The following DACH1 variants were observed in gnomAD, a reference collection of about 807,000 sequenced individuals.
DACH1 encodes the protein dachshund homolog 1.
DACH1 carries 12 observed loss-of-function variants against 54.2 expected under a neutral mutation model. The ratio of observed to expected loss-of-function variants is 0.22; its 90% confidence interval spans 0.14 to 0.36. DACH1 has a LOEUF of 0.36. DACH1 is among the 10% of genes least tolerant of loss of function. DACH1 has a pLI of 1.00. For missense variants in DACH1, 805 were observed against 929.8 expected (o/e 0.87, Z 1.75); for synonymous variants, 386 against 366.2 (o/e 1.05, Z -0.62).
intron 1 of DACH1, among the ~76,000 whole-genome samples, chr13:71,853,931 G>A (rs1278242494): frequency 6.6e-6 from 1 of 151,940 alleles, no homozygotes; most frequent in African/African-American, 2.4e-5. Flanking sequence ...CTGGGTGACC[G>A]GTATCTTAGC....
intron 2 of DACH1, among the ~76,000 whole-genome samples, chr13:71,678,926 C>G (rs1024358014): frequency 3.9e-5 from 6 of 152,200 alleles, no homozygotes; most frequent in African/African-American, 9.6e-5. Context: ...TCTCCAAGTG[C>G]TGGGATTGTA....
chr13:71,494,871 C>T (rs1879273657), intron 6 of DACH1, among the ~76,000 whole-genome samples: 3 of 151,816 alleles, frequency 2.0e-5, no homozygotes, highest in Non-Finnish European at 4.4e-5. Context: ...AAGATTGATG[C>T]CTCTGTAAGA....
chr13:71,628,049 ATAC>A (rs1445771814), intron 3 of DACH1, among the ~76,000 whole-genome samples: 1 of 152,074 alleles, frequency 6.6e-6, no homozygotes, highest in African/African-American at 2.4e-5. Context: ...TCATGATATG[ATAC>A]TATTATTTAT....
chr13:71,794,299 A>T (rs1449722846), intron 1 of DACH1, among the ~76,000 whole-genome samples: 3 of 152,180 alleles, frequency 2.0e-5, no homozygotes. Context: ...TCACAATTCA[A>T]CACAAAAAGG....
At chr13:71,657,183 T>C (rs1163786614) in intron 2 of DACH1, among the ~76,000 whole-genome samples, 1 of 151,810 alleles carries the variant, frequency 6.6e-6, no homozygotes, top group Non-Finnish European at 1.5e-5. Context: ...GTATAGGATC[T>C]TGCGGAAAAT....
chr13:71,703,088 CTTAA>C (rs1882235816), intron 1 of DACH1, among the ~76,000 whole-genome samples: 1 of 152,122 alleles, frequency 6.6e-6, no homozygotes, highest in Admixed American at 6.6e-5. Context: ...GACTAATTTT[CTTAA>C]TTGTGTGTCA....
chr13:71,553,663 T>C (rs1456337829), intron 6 of DACH1, among the ~76,000 whole-genome samples: 2 of 146,312 alleles, frequency 1.4e-5, no homozygotes, highest in Non-Finnish European at 3.0e-5. Flanking sequence ...TATATATATA[T>C]ATATATGCAT....
chr13:71,854,756 G>A (rs1254234900), intron 1 of DACH1, among the ~76,000 whole-genome samples: 2 of 152,036 alleles, frequency 1.3e-5, no homozygotes, highest in African/African-American at 2.4e-5. Context: ...CAATAGCCAT[G>A]TTAAATCACC....
intron 1 of DACH1, among the ~76,000 whole-genome samples, chr13:71,844,537 C>CT (rs920310889): frequency 1.3e-5 from 2 of 152,056 alleles, no homozygotes; most frequent in African/African-American, 2.4e-5. Flanking sequence ...AGAAATAATA[C>CT]TTTTTTTGTT....
intron 6 of DACH1, among the ~76,000 whole-genome samples, chr13:71,489,479 C>T (rs1258662828): frequency 6.6e-6 from 1 of 152,066 alleles, no homozygotes; most frequent in South Asian, 2.1e-4. Flanking sequence ...TCCCAATTAT[C>T]TCCTTTTAGT....
rs560617681 is a variant in DACH1, at chr13:71,715,813, A to G, written c.849-33903T>C. Among the ~76,000 whole-genome samples the G allele has an allele frequency of 5.0e-4, 76 of 152,230 alleles. 1 individual carries two copies. The highest frequency in any genetic ancestry group is 1.5e-3 in the South Asian group (7 of 4,824). The stretch of plus-strand genomic sequence containing the variant: ...AAAATAACAAAAACTCTGGAGACTG[A>G]AAAATCTATACCCCTCAAATAATTT... On this transcript the variant is annotated intron_variant, in intron 1 of 10. Transcript: ENST00000613252.
intron 6 of DACH1, among the ~76,000 whole-genome samples, chr13:71,517,576 T>C (rs1424149728): frequency 6.6e-6 from 1 of 151,846 alleles, no homozygotes; most frequent in East Asian, 1.9e-4. Context: ...TGGATTAAAT[T>C]AACAATAACA....
intron 10 of DACH1, among the ~76,000 whole-genome samples, chr13:71,448,043 T>G (rs1214026736): frequency 6.6e-6 from 1 of 152,236 alleles, no homozygotes; most frequent in Non-Finnish European, 1.5e-5. Flanking sequence ...AAGGATCTTT[T>G]ACACATCTTT....
chr13:71,569,643 T>C (rs1201775844), intron 4 of DACH1, among the ~76,000 whole-genome samples: 2 of 152,122 alleles, frequency 1.3e-5, no homozygotes, highest in African/African-American at 2.4e-5. Flanking sequence ...GCTCCTTTAC[T>C]TCATAGAAAC....
At chr13:71,576,724 T>C (rs1885550175) in intron 3 of DACH1, among the ~76,000 whole-genome samples, 1 of 152,154 alleles carries the variant, frequency 6.6e-6, no homozygotes, top group Non-Finnish European at 1.5e-5. Flanking sequence ...CTTAAGAGCC[T>C]TGAGCAGATT....
chr13:71,578,789 T>C (rs888276950), intron 3 of DACH1, among the ~76,000 whole-genome samples: 1 of 152,136 alleles, frequency 6.6e-6, no homozygotes, highest in Admixed American at 6.6e-5. Context: ...TCCTAACTGG[T>C]ATTGCAAAAT....
At chr13:71,651,714 ATATG>A (rs1878697732) in intron 2 of DACH1, among the ~76,000 whole-genome samples, 3 of 140,800 alleles carry the variant, frequency 2.1e-5, no homozygotes, top group South Asian at 4.4e-4. Context: ...ATGTATATGT[ATATG>A]TATATGTGTG....
chr13:71,511,751 C>A (rs1355020977), intron 6 of DACH1, among the ~76,000 whole-genome samples: 1 of 151,966 alleles, frequency 6.6e-6, no homozygotes, highest in Non-Finnish European at 1.5e-5. Context: ...GATTACCTTT[C>A]TTTTCCTTGC....
chr13:71,687,380 T>C (rs1881228568), intron 1 of DACH1, among the ~76,000 whole-genome samples: 1 of 148,882 alleles, frequency 6.7e-6, no homozygotes, highest in Non-Finnish European at 1.5e-5. Context: ...GCTTACTTTC[T>C]AAGTAACATG....
Sources: gnomAD v4.1 joint callset for allele counts (sites outside exome capture counted in the v4.1 genomes callset) on GRCh38, gnomAD v4.1.1 for gene constraint, MANE v1.5 for transcripts, NCBI Gene and HGNC (gene_info 2026-07-23, HGNC 2026-07-21) for gene names.